The following DLGAP4 variants were observed in gnomAD, a reference collection of about 807,000 sequenced individuals.
DLGAP4 encodes disks large-associated protein 4.
DLGAP4 carries 18 observed loss-of-function variants against 86.9 expected under a neutral mutation model. The observed-to-expected ratio is 0.21, with a 90% CI of 0.14 to 0.31. The LOEUF (loss-of-function observed/expected upper bound fraction) is 0.31, where lower values mean the gene tolerates loss of function less well. DLGAP4 is among the 10% of genes least tolerant of loss of function. The pLI, the probability that DLGAP4 is intolerant of heterozygous loss-of-function variation, is 1.00. For synonymous variants in DLGAP4, 548 were observed against 574.3 expected, an observed-to-expected ratio of 0.95 and a Z score of 0.65; for missense variants, 1,085 against 1,362.6, an observed-to-expected ratio of 0.80 and a Z score of 3.21.
At position 36,496,852 on chromosome 20, in the gene DLGAP4, T is replaced by G. The variant is rs951472120; in HGVS notation, c.1796T>G (p.Val599Gly). 6.2e-7 allele frequency: 1 copy of G among 1,614,084 alleles called. No individual in the cohort carries two copies. The highest frequency in any genetic ancestry group is 8.5e-7 in the Non-Finnish European group (1 of 1,180,010). ...GACAGCCAGGACCACAAGAGCGAGG[T>G]GACTAGCCAGTCGGGCCTGAGCAAC... The part of the protein sequence containing the change: ...YLDSQDHKSE[V>G]TSQSGLSNSS... The change falls in exon 8 of 13, where the codon GTG becomes GGG. Residue 599 changes from valine (V) to glycine (G), a missense_variant. Around this residue, in one of 2 missense-constraint regions of DLGAP4, gnomAD observed 1,082 missense variants for 1,344.1 expected, o/e 0.81. Transcript: ENST00000339266.
rs748648842 is a variant in DLGAP4 at position 36,526,765 on chromosome 20, G to A, written c.2761-48G>A. On this transcript the variant is annotated intron_variant, in intron 12 of 12. Coordinates refer to ENST00000339266, the MANE Select transcript of DLGAP4 (RefSeq NM_001365621.2). ...TGGTGGGGGTAGTGCCACACAAAAC[G>A]TGGCACCTTTATTTTATTTTTGTTC... 13 of 1,509,358 alleles carry A rather than the reference G, an allele frequency of 8.6e-6. No individual in the cohort carries two copies. In the South Asian group the frequency reaches 8.6e-5, roughly 10 times the overall value. The allele number at this position is 1,509,358 out of a possible 1,614,324, so 93.5% of individuals were successfully genotyped here. A position where few individuals can be genotyped will look rare whatever the true frequency, so the allele number is the denominator to read the frequency against.
chr20:36,315,471 C>T (rs2065090572), intron 1 of DLGAP4, among the ~76,000 whole-genome samples: 1 of 151,732 alleles, frequency 6.6e-6, no homozygotes, highest in African/African-American at 2.4e-5. Flanking sequence ...GGACTGGTGA[C>T]AGGAGGAAAC....
Position 36,439,762 on chromosome 20 carries a change from A to G in DLGAP4, c.1250A>G (p.Asp417Gly). ...GEQSNPRRSL[D>G]RLDSVDMLLP... is the part of the protein sequence containing the mutation. ...TCCCCACTCCCCACCAGGAGTCTGGACCGCCTGGATTCAGTGGACATGCTG... is the reference window on the plus strand; with the variant it reads ...TCCCCACTCCCCACCAGGAGTCTGGGCCGCCTGGATTCAGTGGACATGCTG... Residue 417 changes from aspartate (D) to glycine (G), a missense_variant, in exon 5 of 13, where the codon GAC (aspartate) becomes GGC (glycine). Asp to Gly is a moderately conservative substitution (Grantham distance 94). Around this residue, in one of 2 missense-constraint regions of DLGAP4, gnomAD observed 1,082 missense variants for 1,344.1 expected, o/e 0.81. Coordinates refer to ENST00000339266, the MANE Select transcript of DLGAP4 (RefSeq NM_001365621.2). 1.9e-6 allele frequency: 3 copies of G among 1,613,096 alleles called. No individual in the cohort carries two copies. The Admixed American group carries it at 5.0e-5, about 27-fold the overall frequency.
intron 2 of DLGAP4, among the ~76,000 whole-genome samples, chr20:36,367,558 C>A (rs1173173508): frequency 6.6e-6 from 1 of 152,186 alleles, no homozygotes; most frequent in African/African-American, 2.4e-5. Context: ...CAGCTCTGTC[C>A]ACCTCAAAGG....
chr20:36,443,218 G>A (rs1024721922), intron 6 of DLGAP4, among the ~76,000 whole-genome samples: 1 of 152,204 alleles, frequency 6.6e-6, no homozygotes, highest in African/African-American at 2.4e-5. Context: ...ATTTAAAGAT[G>A]TTGGGGTGTT....
At chr20:36,523,216 C>A (rs1276093829) in intron 10 of DLGAP4, among the ~76,000 whole-genome samples, 5 of 152,066 alleles carry the variant, frequency 3.3e-5, no homozygotes, top group Admixed American at 3.3e-4. Flanking sequence ...GCACACCCAG[C>A]TAATTTTTTG....
chr20:36,513,459 A>T, intron 10 of DLGAP4, among the ~76,000 whole-genome samples: 1 of 149,744 alleles, frequency 6.7e-6, no homozygotes, highest in Non-Finnish European at 1.5e-5. Flanking sequence ...GAGGCAGGAG[A>T]ATGGCGTGAA....
intron 1 of DLGAP4, among the ~76,000 whole-genome samples, chr20:36,314,206 C>G (rs1197854840): frequency 2.6e-5 from 4 of 151,106 alleles, no homozygotes; most frequent in Admixed American, 2.6e-4. Flanking sequence ...TGGGGCCAGG[C>G]CCACCTCTGC....
rs1173768129 is a variant in DLGAP4 at position 36,527,199 on chromosome 20, C to CTCCCAGCTTTAGGTTATGAAGATT, written c.*170_*193dup. On this transcript the variant is annotated 3_prime_UTR_variant, in exon 13 of 13. Coordinates refer to ENST00000339266, the MANE Select transcript of DLGAP4 (RefSeq NM_001365621.2). ...CTCACAATTTGGCTTTTTTGGGTCC[C>CTCCCAGCTTTAGGTTATGAAGATT]TCCCAGCTTTAGGTTATGAAGATTT... 1.8e-6 allele frequency: 1 copy of CTCCCAGCTTTAGGTTATGAAGATT among 568,540 alleles called. No homozygotes were observed. Among genetic ancestry groups the CTCCCAGCTTTAGGTTATGAAGATT allele is most frequent in the Non-Finnish European group, 2.9e-6 (1 of 340,410 alleles). The allele number at this position is 568,540 out of a possible 1,614,324, so 35.2% of individuals were successfully genotyped here. A position where few individuals can be genotyped will look rare whatever the true frequency, so the allele number is the denominator to read the frequency against.
chr20:36,339,439 G>A (rs1161150134), intron 1 of DLGAP4, among the ~76,000 whole-genome samples: 5 of 152,174 alleles, frequency 3.3e-5, no homozygotes, highest in Non-Finnish European at 4.4e-5. Context: ...CCAGGCTGGA[G>A]TGCAGTGGCA....
chr20:36,308,779 A>C lies in DLGAP4; in HGVS notation c.-304+2267A>C, dbSNP rs2065027946. Among the ~76,000 whole-genome samples the C allele has an allele frequency of 6.6e-6, 1 of 152,230 alleles. No individual in the cohort carries two copies. The highest frequency in any genetic ancestry group is 2.4e-5 in the African/African-American group (1 of 41,456). On this transcript the variant is annotated intron_variant, in intron 1 of 12. Coordinates refer to ENST00000339266, the MANE Select transcript of DLGAP4 (RefSeq NM_001365621.2). This position sits in a 1 kb window ranked among gnomAD's most constrained non-coding sequence, Gnocchi z 4.5. ...TCCTATACTTCCGTGATGGGTATTC[A>C]TTCATTCAGAAAAGCATTAGAAAAT...
At chr20:36,313,655 G>C (rs1197597260) in intron 1 of DLGAP4, among the ~76,000 whole-genome samples, 2 of 152,096 alleles carry the variant, frequency 1.3e-5, no homozygotes, top group Non-Finnish European at 1.5e-5. Context: ...ATAGAGTCAG[G>C]GCTCTCTGCC....
chr20:36,431,686 A>AG lies in DLGAP4; in HGVS notation c.-29dup. On this transcript the variant is annotated 5_prime_UTR_variant, in exon 3 of 13. Coordinates refer to ENST00000339266, the MANE Select transcript of DLGAP4 (RefSeq NM_001365621.2). This position sits in a 1 kb window ranked among gnomAD's most constrained non-coding sequence, Gnocchi z 5.1. ...GGAGAGGTGACCCGGGCGCCCTGCT[A>AG]GGGTGAAGGCCCCTGCCCTCGGCCC... 6.5e-7 allele frequency: 1 copy of AG among 1,541,782 alleles called. No homozygotes were observed.
At chr20:36,489,763 C>CCCCAGAAG (rs895166210) in intron 7 of DLGAP4, among the ~76,000 whole-genome samples, 2 of 151,974 alleles carry the variant, frequency 1.3e-5, no homozygotes, top group Non-Finnish European at 2.9e-5. Flanking sequence ...AGAGGAGGAT[C>CCCCAGAAG]CCCAGAAGGA....
In DLGAP4 at chr20:36,432,195, A is replaced by G. The variant is rs1487769997; in HGVS notation, c.478A>G (p.Thr160Ala). The change falls in exon 3 of 13, where the codon ACA becomes GCA. Residue 160 changes from threonine to alanine, a missense_variant. Coordinates refer to ENST00000339266, the MANE Select transcript of DLGAP4 (RefSeq NM_001365621.2). The surrounding 1 kb of genome is among the most constrained non-coding windows in gnomAD (Gnocchi z 6.5). ...CACCAAGGCACCCTCACTGGAGGGC[A>G]CAGCGGGCAAGGTCGGTGGCAATGG... Reference protein sequence around the residue: ...FFTKAPSLEGTAGKVGGNGSK... With the variant: ...FFTKAPSLEGAAGKVGGNGSK... The G allele has an allele frequency of 6.2e-7, 1 of 1,614,160 alleles. No homozygotes were observed. The highest frequency in any genetic ancestry group is 2.2e-5 in the East Asian group (1 of 44,884).
chr20:36,344,342 C>A (rs1170264390), intron 1 of DLGAP4, among the ~76,000 whole-genome samples: 1 of 152,164 alleles, frequency 6.6e-6, no homozygotes, highest in Non-Finnish European at 1.5e-5. Context: ...TCTTGGAAGA[C>A]CAGGCACACA....
intron 7 of DLGAP4, among the ~76,000 whole-genome samples, chr20:36,454,477 A>G (rs1001241396): frequency 6.6e-6 from 1 of 152,052 alleles, no homozygotes; most frequent in South Asian, 2.1e-4. Context: ...GTACAACCAT[A>G]TATGGCGAGC....
rs373442817 is a variant in DLGAP4 at position 36,488,363 on chromosome 20, A to G, written c.1649-8342A>G. On this transcript the variant is annotated intron_variant, in intron 7 of 12. Coordinates refer to ENST00000339266, the MANE Select transcript of DLGAP4 (RefSeq NM_001365621.2). ...TAACATGGGGCATTTACATTTGGGA[A>G]ATAGGAACCTCCTTCATACTGGTTT... 6.8e-4 allele frequency among the ~76,000 whole-genome samples: 104 copies of G among 152,226 alleles called. 1 individual carries two copies. The highest frequency in any genetic ancestry group is 2.5e-3 in the African/African-American group (102 of 41,546).
rs552797890 is a variant in DLGAP4, at chr20:36,363,157, C to T, written c.-303-3888C>T. ...CAACATTCCAGGCAGAGCAAGAGCACGTGCAAAGGCCCTGAGCTAGGCACG... is the reference window on the plus strand; with the variant it reads ...CAACATTCCAGGCAGAGCAAGAGCATGTGCAAAGGCCCTGAGCTAGGCACG... On this transcript the variant is annotated intron_variant, in intron 1 of 12. Coordinates refer to ENST00000339266, the MANE Select transcript of DLGAP4 (RefSeq NM_001365621.2). Among the ~76,000 whole-genome samples, 9 of 152,254 alleles carry T rather than the reference C, an allele frequency of 5.9e-5. No individual in the cohort carries two copies. In the South Asian group the frequency reaches 6.2e-4, roughly 11 times the overall value.
Sources: allele counts gnomAD v4.1 joint callset (sites outside exome capture counted in the v4.1 genomes callset), GRCh38; gene constraint gnomAD v4.1.1; regional missense constraint gnomAD v4.1.1; non-coding constraint Gnocchi (gnomAD v3.1); transcripts MANE v1.5; gene names NCBI Gene and HGNC (gene_info 2026-07-23, HGNC 2026-07-21).